The following SPC24 variants were observed in gnomAD, a reference collection of about 807,000 sequenced individuals.
SPC24 encodes the protein SPC24 component of NDC80 kinetochore complex.
Under a neutral mutation model 27.6 loss-of-function variants are expected in SPC24, and 31 were observed. That is an observed-to-expected ratio of 1.12 (90% confidence interval 0.84 to 1.52). The LOEUF (loss-of-function observed/expected upper bound fraction) is 1.52. SPC24 is among the 40% of genes most tolerant of loss of function. The probability of loss-of-function intolerance (pLI) is 0.00; values close to 1 mark genes in which losing one functional copy is unlikely to be tolerated. For missense variants in SPC24, 284 were observed against 252.5 expected, an observed-to-expected ratio of 1.12 and a Z score of -0.84; for synonymous variants, 105 against 105.8, an observed-to-expected ratio of 0.99 and a Z score of 0.05.
Position 11,155,626 on chromosome 19 carries a change from G to A in SPC24, c.151C>T (p.Gln51Ter). 2 of 1,545,658 alleles carry A rather than the reference G, an allele frequency of 1.3e-6. No homozygotes were observed. The highest frequency in any genetic ancestry group is 1.7e-6 in the Non-Finnish European group (2 of 1,151,472). The stretch of plus-strand genomic sequence containing the variant: ...ACGCTCCGACCCTCACCTCGCAGCT[G>A]CTTCTCGGCACCGTCTTGCGTTTCC... ...LLETQDGAEKQLREILTMEKE... is the reference protein window; with the variant it reads ...LLETQDGAEK The change falls in exon 1 of 5, where the codon CAG becomes TAG. Residue 51 changes from glutamine to a stop codon, truncating the protein, a stop_gained. Transcript: ENST00000592540. LOFTEE classifies it high-confidence loss of function.
intron 1 of SPC24, 54 bp downstream of exon 1, chr19:11,155,563 C>G: frequency 6.6e-7 from 1 of 1,510,138 alleles, no homozygotes; most frequent in Non-Finnish European, 8.8e-7. Context: ...GTCGCCCCCT[C>G]CCAGCACCCG....
intron 1 of SPC24, among the ~76,000 whole-genome samples, chr19:11,154,891 G>A (rs2077899456): frequency 6.6e-6 from 1 of 152,116 alleles, no homozygotes; most frequent in Non-Finnish European, 1.5e-5. Context: ...TGCAGTTACA[G>A]ATAGTGAAGA....
chr19:11,150,355 G>A (rs1000223596), intron 1 of SPC24, among the ~76,000 whole-genome samples: 3 of 151,332 alleles, frequency 2.0e-5, no homozygotes, highest in Non-Finnish European at 3.0e-5. Context: ...GCGTGGTGGT[G>A]CATGCCTGTA....
intron 1 of SPC24, among the ~76,000 whole-genome samples, chr19:11,153,144 A>G (rs984684242): frequency 6.6e-6 from 1 of 152,106 alleles, no homozygotes; most frequent in African/African-American, 2.4e-5. Context: ...AATACAAAAA[A>G]GAACTGAAAA....
intron 1 of SPC24, among the ~76,000 whole-genome samples, chr19:11,154,219 C>A (rs991577471): frequency 1.3e-5 from 2 of 152,114 alleles, no homozygotes; most frequent in African/African-American, 4.8e-5. Flanking sequence ...CCTTCTATAT[C>A]ATGAAATATG....
chr19:11,153,184 G>A (rs906359375), intron 1 of SPC24, among the ~76,000 whole-genome samples: 17 of 152,032 alleles, frequency 1.1e-4, no homozygotes, highest in Non-Finnish European at 2.2e-4. Context: ...GGTGGCTCAC[G>A]CCTGTAATCC....
At chr19:11,147,420 G>C (rs1204919084) in intron 4 of SPC24, 131 bp from the exon 5 acceptor site, 4 of 629,150 alleles carry the variant, frequency 6.4e-6, no homozygotes, top group Non-Finnish European at 1.1e-5. Flanking sequence ...GAGTACAGTG[G>C]TGCGATCTCG....
At chr19:11,148,810 G>A (rs572244310) in intron 2 of SPC24, among the ~76,000 whole-genome samples, 207 of 151,444 alleles carry the variant, frequency 1.4e-3, no homozygotes, top group Non-Finnish European at 2.4e-3. Context: ...TAGAGACGGG[G>A]TTTCACTGTG....
intron 1 of SPC24, among the ~76,000 whole-genome samples, chr19:11,151,741 C>T (rs1028795526): frequency 2.0e-5 from 3 of 151,648 alleles, no homozygotes; most frequent in Non-Finnish European, 2.9e-5. Flanking sequence ...TCCTGAGTAG[C>T]TGGGATTACA....
Position 11,155,684 on chromosome 19 carries a change from C to T in SPC24, c.93G>A (p.Leu31=). The T allele has an allele frequency of 6.4e-7, 1 of 1,561,982 alleles. No homozygotes were observed. Among genetic ancestry groups the T allele is most frequent in the Non-Finnish European group, 8.6e-7 (1 of 1,161,394 alleles). ...GCTCCACCACCTGCTCGTGGCGCCC[C>T]AGCAGCCGTCGCTGCTGCGCCTCCG... The part of the protein sequence containing the change: ...NRAEAQQRRL[L]GRHEQVVERL... The change falls in exon 1 of 5, where the codon CTG becomes CTA. Residue 31 remains leucine (L), a synonymous_variant. Coordinates refer to ENST00000592540, the MANE Select transcript of SPC24 (RefSeq NM_182513.4).
chr19:11,151,627 G>C (rs534726885), intron 1 of SPC24, among the ~76,000 whole-genome samples: 1 of 151,718 alleles, frequency 6.6e-6, no homozygotes, highest in Non-Finnish European at 1.5e-5. Context: ...TTTGGGGGGG[G>C]GGGATGGAGT....
Position 11,155,762 on chromosome 19 carries a change from G to A in SPC24, c.15C>T (p.Arg5=), listed in dbSNP as rs780490386. 6.5e-7 allele frequency: 1 copy of A among 1,544,294 alleles called. No individual in the cohort carries two copies. The highest frequency in any genetic ancestry group is 8.7e-7 in the Non-Finnish European group (1 of 1,151,546). Residue 5 remains arginine, a synonymous_variant, in exon 1 of 5, where the codon CGC becomes CGT. Transcript: ENST00000592540. The part of the protein sequence containing the change: MAAF[R]DIEEVSQGLL... The stretch of plus-strand genomic sequence containing the variant: ...GCCCCTGGCTCACCTCCTCTATGTC[G>A]CGGAAGGCGGCCATGACTACGCCAG...
chr19:11,151,499 C>T (rs569947942), intron 1 of SPC24, among the ~76,000 whole-genome samples: 12 of 152,280 alleles, frequency 7.9e-5, no homozygotes, highest in Non-Finnish European at 1.5e-4. Flanking sequence ...TCCGCCCTCC[C>T]GAAGGACAAC....
intron 1 of SPC24, among the ~76,000 whole-genome samples, chr19:11,153,696 G>T (rs2077890111): frequency 6.7e-6 from 1 of 149,282 alleles, no homozygotes; most frequent in African/African-American, 2.5e-5. Context: ...GGAGGCATAG[G>T]TCGCAGTGAG....
At chr19:11,155,110 C>A (rs1394897658) in intron 1 of SPC24, among the ~76,000 whole-genome samples, 1 of 152,062 alleles carries the variant, frequency 6.6e-6, no homozygotes, top group East Asian at 1.9e-4. Context: ...AGCTTGAACC[C>A]GGGAGGTGGA....
Position 11,155,700 on chromosome 19 carries a change from T to C in SPC24, c.77A>G (p.Gln26Arg), listed in dbSNP as rs377701296. 3.5e-4 allele frequency: 551 copies of C among 1,571,218 alleles called. 2 individuals are homozygous for C. The highest frequency in any genetic ancestry group is 4.3e-4 in the Non-Finnish European group (506 of 1,166,464). The change falls in exon 1 of 5, where the codon CAG becomes CGG. Residue 26 changes from glutamine to arginine, a missense_variant. Gln to Arg is a conservative substitution (Grantham distance 43). Transcript: ENST00000592540. Reference protein sequence around the residue: ...SLLGANRAEAQQRRLLGRHEQ... With the variant: ...SLLGANRAEARQRRLLGRHEQ... The stretch of plus-strand genomic sequence containing the variant: ...GTGGCGCCCCAGCAGCCGTCGCTGC[T>C]GCGCCTCCGCGCGGTTGGCGCCCAG...
chr19:11,148,173 C>T, intron 2 of SPC24, 56 bp from the exon 3 acceptor site: 1 of 1,238,978 alleles, frequency 8.1e-7, no homozygotes, highest in Non-Finnish European at 1.2e-6. Flanking sequence ...CCTGCGCTAA[C>T]TGCAGCTGGG....
At position 11,155,702 on chromosome 19, in the gene SPC24, C is replaced by A. The variant is rs1436925223; in HGVS notation, c.75G>T (p.Ala25=). The A allele has an allele frequency of 6.4e-7, 1 of 1,570,898 alleles. No individual in the cohort carries two copies. Residue 25 remains alanine, a synonymous_variant, in exon 1 of 5, where the codon GCG becomes GCT. Coordinates refer to ENST00000592540, the MANE Select transcript of SPC24 (RefSeq NM_182513.4). ...LSLLGANRAE[A]QQRRLLGRHE... ...GGCGCCCCAGCAGCCGTCGCTGCTG[C>A]GCCTCCGCGCGGTTGGCGCCCAGCA...
intron 1 of SPC24, among the ~76,000 whole-genome samples, chr19:11,151,643 C>T (rs2421205): frequency 0.82 from 123,629 of 151,328 alleles, 50,613 homozygotes; most frequent in African/African-American, 0.86. Context: ...GGAGTCTTGC[C>T]CTGTCATCCA....
Sources: allele counts gnomAD v4.1 joint callset (sites outside exome capture counted in the v4.1 genomes callset), GRCh38; gene constraint gnomAD v4.1.1; transcripts MANE v1.5; gene names NCBI Gene and HGNC (gene_info 2026-07-23, HGNC 2026-07-21).